PDE4D: variants seen among roughly 807,000 people sequenced by gnomAD.
PDE4D encodes phosphodiesterase 4D.
PDE4D carries 24 observed loss-of-function variants against 87.4 expected under a neutral mutation model. The observed-to-expected ratio is 0.27, with a 90% CI of 0.20 to 0.39. The LOEUF (loss-of-function observed/expected upper bound fraction) is 0.39. Ranked by LOEUF, PDE4D falls within the 10% of genes least tolerant of loss-of-function variation. PDE4D has a pLI of 1.00. For synonymous variants in PDE4D, 384 were observed against 383.2 expected (o/e 1.00, Z -0.02); for missense variants, 714 against 1,041.0 (o/e 0.69, Z 4.32).
At chr5:60,118,962 T>G (rs1778417622) in intron 2 of PDE4D, among the ~76,000 whole-genome samples, 1 of 152,092 alleles carries the variant, frequency 6.6e-6, no homozygotes, top group Non-Finnish European at 1.5e-5. Context: ...CTAAAGTGAG[T>G]GCACTCAAGG....
intron 1 of PDE4D, among the ~76,000 whole-genome samples, chr5:59,386,136 A>G (rs17782969): frequency 6.6e-6 from 1 of 152,104 alleles, no homozygotes; most frequent in Non-Finnish European, 1.5e-5. Flanking sequence ...TAATATGAAC[A>G]TATGGTCCAT....
chr5:60,432,151 G>C (rs1044431257), intron 1 of PDE4D, among the ~76,000 whole-genome samples: 2 of 152,020 alleles, frequency 1.3e-5, no homozygotes, highest in Non-Finnish European at 2.9e-5. Context: ...GCTGGATTCA[G>C]TTTGCTAGTA....
At chr5:59,660,825 A>C (rs879517700) in intron 1 of PDE4D, among the ~76,000 whole-genome samples, 11 of 152,150 alleles carry the variant, frequency 7.2e-5, no homozygotes, top group Non-Finnish European at 1.0e-4. Flanking sequence ...TGCTCAAAGC[A>C]AGTTATCACC....
chr5:58,979,331 G>A (rs569684368), intron 11 of PDE4D, among the ~76,000 whole-genome samples: 1 of 152,320 alleles, frequency 6.6e-6, no homozygotes, highest in South Asian at 2.1e-4. Flanking sequence ...GGATGCCTTA[G>A]TGGACTGGCA....
intron 1 of PDE4D, among the ~76,000 whole-genome samples, chr5:59,547,517 T>C (rs939623242): frequency 1.3e-5 from 2 of 152,192 alleles, no homozygotes; most frequent in African/African-American, 4.8e-5. Flanking sequence ...GTTCACTTTT[T>C]TCACAGCCAA....
intron 1 of PDE4D, among the ~76,000 whole-genome samples, chr5:59,391,755 G>A (rs555831171): frequency 1.3e-5 from 2 of 151,844 alleles, no homozygotes; most frequent in East Asian, 3.9e-4. Context: ...ATGGCAGGAG[G>A]ACTTTTTGTA....
chr5:59,535,073 GTGT>G lies in PDE4D; in HGVS notation c.456-319108_456-319106del, dbSNP rs748141643. Reference sequence around the variant, plus strand: ...TGTGCTTAGATTGGTGTGTGTGTGTGTGTGGGGGGGGGGTCCTCTATCATGTAT... The same window carrying G: ...TGTGCTTAGATTGGTGTGTGTGTGTGGGGGGGGGGGTCCTCTATCATGTAT... On this transcript the variant is annotated intron_variant, in intron 1 of 14. Transcript: ENST00000340635. Among the ~76,000 whole-genome samples the G allele has an allele frequency of 2.2e-3, 188 of 85,322 alleles. 2 individuals carry two copies. Among genetic ancestry groups the G allele is most frequent in the Middle Eastern group, 6.3e-3 (1 of 158 alleles). The allele number at this position is 85,322 out of a possible 152,430, so 56.0% of individuals were successfully genotyped here.
chr5:59,010,813 T>C (rs760244172), intron 6 of PDE4D, among the ~76,000 whole-genome samples: 3 of 152,104 alleles, frequency 2.0e-5, no homozygotes, highest in African/African-American at 7.2e-5. Flanking sequence ...AGCATGAAGT[T>C]TGAGATCTGA....
chr5:60,461,588 C>T (rs1176191725), intron 1 of PDE4D, among the ~76,000 whole-genome samples: 1 of 152,204 alleles, frequency 6.6e-6, no homozygotes, highest in African/African-American at 2.4e-5. Flanking sequence ...GAAAGCCTTT[C>T]CATTTGACTG....
At chr5:60,099,295 A>C (rs1383902291) in intron 2 of PDE4D, among the ~76,000 whole-genome samples, 1 of 151,808 alleles carries the variant, frequency 6.6e-6, no homozygotes, top group African/African-American at 2.4e-5. Flanking sequence ...TTTTGCGTTG[A>C]TCTTGCCTGG....
rs1249370697 is a variant in PDE4D at position 59,053,656 on chromosome 5, TTGTTG to T, written c.809-14690_809-14686del. Among the ~76,000 whole-genome samples, 86 of 65,672 alleles carry T rather than the reference TTGTTG, an allele frequency of 1.3e-3. 1 individual carries two copies. Among genetic ancestry groups the T allele is most frequent in the East Asian group, 8.1e-3 (15 of 1,856 alleles). The allele number at this position is 65,672 out of a possible 152,430, so 43.1% of individuals were successfully genotyped here. On this transcript the variant is annotated intron_variant, in intron 5 of 14. Transcript: ENST00000340635. ...TTGTTTTGTTTTTTGTTTTTTTTTG[TTGTTG>T]TTTTTTTTTTTTGGCCAGGCACGGT...
intron 1 of PDE4D, among the ~76,000 whole-genome samples, chr5:59,538,724 A>C (rs1815741476): frequency 6.6e-6 from 1 of 152,106 alleles, no homozygotes; most frequent in Admixed American, 6.6e-5. Context: ...TGTTGGAATG[A>C]AGTCCGGAAT....
chr5:59,285,770 G>C (rs1766824604), intron 1 of PDE4D, among the ~76,000 whole-genome samples: 1 of 152,140 alleles, frequency 6.6e-6, no homozygotes, highest in Non-Finnish European at 1.5e-5. Context: ...TTTCCAGGAA[G>C]AGTTTCCCCA....
At chr5:60,451,403 C>G (rs1746085717) in intron 1 of PDE4D, among the ~76,000 whole-genome samples, 1 of 152,024 alleles carries the variant, frequency 6.6e-6, no homozygotes, top group Admixed American at 6.6e-5. Flanking sequence ...GCCCCTGTCT[C>G]TTTTTTGGCC....
intron 1 of PDE4D, among the ~76,000 whole-genome samples, chr5:60,341,793 C>T (rs945020951): frequency 1.3e-5 from 2 of 152,238 alleles, no homozygotes; most frequent in East Asian, 1.9e-4. Context: ...CAGAACTATG[C>T]ACCAGATTGA....
intron 1 of PDE4D, among the ~76,000 whole-genome samples, chr5:59,303,383 C>T (rs560938837): frequency 3.1e-4 from 47 of 152,210 alleles, no homozygotes; most frequent in Middle Eastern, 3.4e-3. Context: ...TGCAAAAGCT[C>T]GTAAAGTTTA....
chr5:59,235,550 C>A (rs577718942), intron 1 of PDE4D, among the ~76,000 whole-genome samples: 1 of 152,268 alleles, frequency 6.6e-6, no homozygotes, highest in Admixed American at 6.5e-5. Context: ...ATCTTCTGTT[C>A]TTTGGACTAA....
intron 1 of PDE4D, among the ~76,000 whole-genome samples, chr5:60,455,083 T>C (rs1746369347): frequency 1.3e-5 from 2 of 152,162 alleles, no homozygotes; most frequent in Non-Finnish European, 2.9e-5. Flanking sequence ...AGAGGTCTAA[T>C]TAATAGTATA....
At chr5:60,105,810 G>C (rs558871283) in intron 2 of PDE4D, among the ~76,000 whole-genome samples, 3 of 152,276 alleles carry the variant, frequency 2.0e-5, no homozygotes, top group Non-Finnish European at 4.4e-5. Context: ...ACAAGCAAAT[G>C]CTGAGAGATT....
Sources: allele counts gnomAD v4.1 joint callset (sites outside exome capture counted in the v4.1 genomes callset), GRCh38; gene constraint gnomAD v4.1.1; transcripts MANE v1.5; gene names NCBI Gene and HGNC (gene_info 2026-07-23, HGNC 2026-07-21).